Variants in TNR observed in about 807,000 individuals in gnomAD.
TNR encodes tenascin R.
A neutral mutation model predicts 150.4 loss-of-function variants in TNR; 45 were observed. The observed-to-expected ratio is 0.30, with a 90% confidence interval of 0.24 to 0.38. The LOEUF is 0.38. Among genes scored for constraint, TNR ranks in the 10% least tolerant of loss-of-function variants. The pLI, the probability that TNR is intolerant of heterozygous loss-of-function variation, is 1.00. For missense variants in TNR, 1,544 were observed against 1,759.1 expected, an observed-to-expected ratio of 0.88 and a Z score of 2.19; for synonymous variants, 687 against 678.4, an observed-to-expected ratio of 1.01 and a Z score of -0.20.
At chr1:175,628,122 C>T (rs1015798022) in intron 1 of TNR, among the ~76,000 whole-genome samples, 3 of 152,328 alleles carry the variant, frequency 2.0e-5, no homozygotes, top group Admixed American at 6.5e-5. Context: ...TAAAAATATG[C>T]TCTTTACCAG....
chr1:175,477,607 T>G (rs951481529), intron 2 of TNR, among the ~76,000 whole-genome samples: 4 of 152,204 alleles, frequency 2.6e-5, no homozygotes, highest in Admixed American at 6.5e-5. Flanking sequence ...CCCACCACAA[T>G]AGAAATCATA....
At chr1:175,686,605 T>A (rs763390633) in intron 1 of TNR, among the ~76,000 whole-genome samples, 1 of 152,204 alleles carries the variant, frequency 6.6e-6, no homozygotes, top group South Asian at 2.1e-4. Context: ...ATAGTAAATA[T>A]AGTACCCAAT....
chr1:175,678,809 T>C (rs555225297), intron 1 of TNR, among the ~76,000 whole-genome samples: 1 of 152,340 alleles, frequency 6.6e-6, no homozygotes, highest in African/African-American at 2.4e-5. Context: ...AGAGAATCCC[T>C]GGGGCCTGTG....
intron 18 of TNR, among the ~76,000 whole-genome samples, chr1:175,351,448 T>C (rs1338528030): frequency 6.6e-6 from 1 of 152,194 alleles, no homozygotes; most frequent in African/African-American, 2.4e-5. Context: ...CATCACATCA[T>C]ACTCTTGAAG....
intron 8 of TNR, among the ~76,000 whole-genome samples, chr1:175,385,228 A>G (rs1652864132): frequency 6.6e-6 from 1 of 152,322 alleles, no homozygotes; most frequent in Non-Finnish European, 1.5e-5. Flanking sequence ...TATTGACCCA[A>G]TTGAGGGTGC....
chr1:175,356,412 C>G lies in TNR; in HGVS notation c.3025G>C (p.Val1009Leu), dbSNP rs1482711193. 6.2e-7 allele frequency: 1 copy of G among 1,614,046 alleles called. No individual in the cohort carries two copies. Among genetic ancestry groups the G allele is most frequent in the Non-Finnish European group, 8.5e-7 (1 of 1,179,938 alleles). ...VDGVSEEFRL[V>L]DLLPSTHYTA... The stretch of plus-strand genomic sequence containing the variant: ...TAGTGGGTGCTAGGAAGCAGGTCAA[C>G]AAGCCGAAATTCCTCACTGACTCCG... Residue 1009 changes from valine to leucine, a missense_variant, in exon 16 of 23, where the codon GTT (valine) becomes CTT (leucine). Physicochemically the swap from Val to Leu is conservative, Grantham distance 32. Transcript: ENST00000367674.
intron 6 of TNR, 23 bp downstream of exon 6, chr1:175,393,757 G>A (rs377537015): frequency 3.9e-6 from 6 of 1,546,858 alleles, no homozygotes; most frequent in Admixed American, 1.7e-5. Context: ...AGTCTGTTTG[G>A]CAGTGTAACA....
At chr1:175,666,723 A>C (rs1665542752) in intron 1 of TNR, among the ~76,000 whole-genome samples, 1 of 152,182 alleles carries the variant, frequency 6.6e-6, no homozygotes, top group Non-Finnish European at 1.5e-5. Context: ...CTTTCGAATC[A>C]AAACTTTCTC....
intron 2 of TNR, among the ~76,000 whole-genome samples, chr1:175,507,507 T>C (rs1054051721): frequency 6.6e-6 from 1 of 152,176 alleles, no homozygotes; most frequent in South Asian, 2.1e-4. Context: ...AGGCTGTTGA[T>C]AGCCCTTGCT....
intron 2 of TNR, among the ~76,000 whole-genome samples, chr1:175,505,958 T>C (rs1478369189): frequency 1.3e-5 from 2 of 152,240 alleles, no homozygotes; most frequent in Non-Finnish European, 2.9e-5. Flanking sequence ...GAGGATCACT[T>C]GACTCCAGGA....
intron 2 of TNR, among the ~76,000 whole-genome samples, chr1:175,432,176 G>A (rs370062992): frequency 1.3e-5 from 2 of 152,140 alleles, no homozygotes; most frequent in Non-Finnish European, 1.5e-5. Context: ...TCTACAAGGG[G>A]TCATCTAAGT....
chr1:175,483,044 C>G (rs1466817245), intron 2 of TNR, among the ~76,000 whole-genome samples: 5 of 152,230 alleles, frequency 3.3e-5, no homozygotes, highest in African/African-American at 1.2e-4. Flanking sequence ...ACTCAACTCA[C>G]TGGGGACTCA....
At chr1:175,535,450 G>A (rs750259238) in intron 1 of TNR, among the ~76,000 whole-genome samples, 1 of 17,356 alleles carries the variant, frequency 5.8e-5, no homozygotes, top group Non-Finnish European at 1.6e-4. Flanking sequence ...TTTATTTTTT[G>A]TTGTTGTTGT....
At chr1:175,438,835 T>G (rs1655641939) in intron 2 of TNR, among the ~76,000 whole-genome samples, 1 of 152,028 alleles carries the variant, frequency 6.6e-6, no homozygotes, top group Non-Finnish European at 1.5e-5. Flanking sequence ...AAGGACTTCT[T>G]CAAGGAGAAC....
intron 2 of TNR, among the ~76,000 whole-genome samples, chr1:175,445,904 T>C (rs11807584): frequency 0.014 from 2,144 of 152,294 alleles, 54 homozygotes; most frequent in African/African-American, 0.049. Flanking sequence ...CAAAATAAGC[T>C]GATTGCTTTT....
At chr1:175,630,474 G>A (rs1664291816) in intron 1 of TNR, among the ~76,000 whole-genome samples, 1 of 152,198 alleles carries the variant, frequency 6.6e-6, no homozygotes, top group African/African-American at 2.4e-5. Context: ...GCAGGCATGG[G>A]GTTAGGCGCT....
chr1:175,725,931 T>C (rs1236186393), intron 1 of TNR, among the ~76,000 whole-genome samples: 2 of 152,138 alleles, frequency 1.3e-5, no homozygotes, highest in East Asian at 1.9e-4. Context: ...TACTTCAGAA[T>C]ATGTCATGGA....
At chr1:175,460,887 A>ACATGGATGCACACACT (rs1287560096) in intron 2 of TNR, among the ~76,000 whole-genome samples, 1 of 152,206 alleles carries the variant, frequency 6.6e-6, no homozygotes, top group Non-Finnish European at 1.5e-5. Context: ...ATGCACACAC[A>ACATGGATGCACACACT]CATACATGCA....
At chr1:175,650,414 G>C (rs1289804139) in intron 1 of TNR, among the ~76,000 whole-genome samples, 1 of 151,888 alleles carries the variant, frequency 6.6e-6, no homozygotes, top group Non-Finnish European at 1.5e-5. Flanking sequence ...AGAAAAACTA[G>C]TTAAGAATAG....
Sources: gnomAD v4.1 joint callset for allele counts (sites outside exome capture counted in the v4.1 genomes callset) on GRCh38, gnomAD v4.1.1 for gene constraint, MANE v1.5 for transcripts, NCBI Gene and HGNC (gene_info 2026-07-23, HGNC 2026-07-21) for gene names.